Variants in PITPNC1 observed in about 807,000 individuals in gnomAD.
The protein encoded by PITPNC1 is phosphatidylinositol transfer protein cytoplasmic 1.
A neutral mutation model predicts 44.7 loss-of-function variants in PITPNC1; 18 were observed. That is an observed-to-expected ratio of 0.40 (90% CI 0.28 to 0.60). PITPNC1 has a LOEUF of 0.60. Ranked by LOEUF, PITPNC1 falls within the 20% of genes least tolerant of loss-of-function variation. The pLI is 0.39. For synonymous variants in PITPNC1, 141 were observed against 149.6 expected (o/e 0.94, Z 0.42); for missense variants, 290 against 418.4 (o/e 0.69, Z 2.68).
rs749530702 is a variant in PITPNC1, at chr17:67,645,153, C to T, written c.462+12915C>T. Among the ~76,000 whole-genome samples the T allele has an allele frequency of 5.3e-4, 81 of 152,136 alleles. 1 individual carries two copies. Among genetic ancestry groups the T allele is most frequent in the Non-Finnish European group, 9.7e-4 (66 of 67,996 alleles). ...GTCGGGAGTTTGAGACCAGCCTGAC[C>T]AACACGGAGAAACCGCATCTCTACT... On this transcript the variant is annotated intron_variant, in intron 6 of 8. Transcript: ENST00000581322.
At chr17:67,443,529 A>G (rs2039047104) in intron 1 of PITPNC1, among the ~76,000 whole-genome samples, 1 of 152,006 alleles carries the variant, frequency 6.6e-6, no homozygotes. Context: ...TGTCTAATGA[A>G]TAAATGAATA....
intron 1 of PITPNC1, among the ~76,000 whole-genome samples, chr17:67,381,731 C>T (rs998772501): frequency 3.9e-5 from 6 of 152,270 alleles, no homozygotes; most frequent in South Asian, 2.1e-4. Flanking sequence ...CTCCCAAAGG[C>T]GTGAGCCACC....
chr17:67,616,436 C>G (rs1164000901), intron 5 of PITPNC1, among the ~76,000 whole-genome samples: 1 of 152,160 alleles, frequency 6.6e-6, no homozygotes, highest in Non-Finnish European at 1.5e-5. Context: ...CCACCGTGCC[C>G]AGCCTCTGTC....
intron 1 of PITPNC1, among the ~76,000 whole-genome samples, chr17:67,501,993 C>A (rs770543422): frequency 6.6e-6 from 1 of 152,248 alleles, no homozygotes. Context: ...ATTAAATTAA[C>A]GAGGATTAAA....
intron 8 of PITPNC1, chr17:67,687,107 C>T: frequency 6.2e-7 from 1 of 1,611,850 alleles, no homozygotes; most frequent in Non-Finnish European, 8.5e-7. Flanking sequence ...GAAAAACATG[C>T]ATGAACAAAC....
At position 67,694,862 on chromosome 17, in the gene PITPNC1, C is replaced by T. The variant is rs1476931262; in HGVS notation, c.*1974C>T. 6.6e-6 allele frequency: 1 copy of T among 152,142 alleles called. No individual in the cohort carries two copies. Among genetic ancestry groups the T allele is most frequent in the Non-Finnish European group, 1.5e-5 (1 of 68,014 alleles). 9.4% of individuals were successfully genotyped at this position (152,142 alleles called of 1,614,324 possible). On this transcript the variant is annotated 3_prime_UTR_variant, in exon 9 of 9. Coordinates refer to ENST00000581322, the MANE Select transcript of PITPNC1 (RefSeq NM_012417.4). ...TTTTGCTTTAGAGAGCAAAATGCTA[C>T]TTTCAGAAGACACTGAAATAGTATA...
intron 6 of PITPNC1, among the ~76,000 whole-genome samples, chr17:67,666,092 C>T (rs8077213): frequency 0.048 from 7,365 of 152,204 alleles, 578 homozygotes; most frequent in African/African-American, 0.17. Context: ...ATCCACCCAC[C>T]TTGTCCTCCC....
At chr17:67,568,145 G>A (rs535009330) in intron 4 of PITPNC1, among the ~76,000 whole-genome samples, 6 of 152,242 alleles carry the variant, frequency 3.9e-5, no homozygotes, top group African/African-American at 9.6e-5. Context: ...TAGTATGTCC[G>A]TACAATGGAC....
chr17:67,425,203 G>GCACACGCACACACACACACA, intron 1 of PITPNC1, among the ~76,000 whole-genome samples: 1 of 98,822 alleles, frequency 1.0e-5, no homozygotes, highest in East Asian at 3.6e-4. Flanking sequence ...GCACGCACAC[G>GCACACGCACACACACACACA]CACACACACA....
chr17:67,495,040 G>GTTTGTTT lies in PITPNC1; in HGVS notation c.49-37759_49-37758insGTTTTTT, dbSNP rs2039926874. 1.1e-4 allele frequency among the ~76,000 whole-genome samples: 7 copies of GTTTGTTT among 64,720 alleles called. No homozygotes were observed. The East Asian group carries it at 1.4e-3, about 13-fold the overall frequency. 42.5% of individuals were successfully genotyped at this position (64,720 alleles called of 152,430 possible). A position where few individuals can be genotyped will look rare whatever the true frequency, so the allele number is the denominator to read the frequency against. On this transcript the variant is annotated intron_variant, in intron 1 of 8. Coordinates refer to ENST00000581322, the MANE Select transcript of PITPNC1 (RefSeq NM_012417.4). ...TTTGGCAATATTGAGCCATGGAGTT[G>GTTTGTTT]TTTTTTTTTTTGTTTTTTTTTTTTT...
Position 67,676,931 on chromosome 17 carries a change from C to T in PITPNC1, c.682+1389C>T, listed in dbSNP as rs1170824824. On this transcript the variant is annotated intron_variant, in intron 8 of 8. Transcript: ENST00000581322. This position sits in a 1 kb window ranked among gnomAD's most constrained non-coding sequence, Gnocchi z 4.0. ...TCCAAATGCAGATCATTTATGCTCT[C>T]TTATCACACACCCACAGAATGCCGC... Among the ~76,000 whole-genome samples the T allele has an allele frequency of 1.3e-5, 2 of 151,948 alleles. No homozygotes were observed. The highest frequency in any genetic ancestry group is 4.8e-5 in the African/African-American group (2 of 41,338).
At chr17:67,580,519 T>C (rs1442665110) in intron 5 of PITPNC1, among the ~76,000 whole-genome samples, 5 of 152,082 alleles carry the variant, frequency 3.3e-5, no homozygotes, top group Non-Finnish European at 7.4e-5. Context: ...TTTTGTGTTT[T>C]TTTTAGAGAC....
At chr17:67,565,129 C>T (rs973920864) in intron 4 of PITPNC1, among the ~76,000 whole-genome samples, 2 of 149,602 alleles carry the variant, frequency 1.3e-5, no homozygotes, top group Admixed American at 1.3e-4. Flanking sequence ...CTAGTTTTTC[C>T]ATATTTTTCA....
intron 1 of PITPNC1, among the ~76,000 whole-genome samples, chr17:67,405,376 C>T (rs1422934333): frequency 2.0e-5 from 3 of 150,948 alleles, no homozygotes; most frequent in Non-Finnish European, 4.4e-5. Flanking sequence ...GTGATTGTGC[C>T]ACTGTACTCC....
intron 7 of PITPNC1, among the ~76,000 whole-genome samples, chr17:67,669,934 C>G (rs2042484302): frequency 6.6e-6 from 1 of 151,668 alleles, no homozygotes; most frequent in African/African-American, 2.4e-5. Flanking sequence ...ATTAGCTGGG[C>G]ATGGTGGTGG....
chr17:67,483,920 T>TTC (rs200560067), intron 1 of PITPNC1, among the ~76,000 whole-genome samples: 47,841 of 134,910 alleles, frequency 0.35, 8,088 homozygotes, highest in Non-Finnish European at 0.41. Context: ...TTTTCTTTCT[T>TTC]TTTTTTTTTT....
intron 4 of PITPNC1, among the ~76,000 whole-genome samples, chr17:67,576,490 G>A (rs2041151856): frequency 6.6e-6 from 1 of 152,168 alleles, no homozygotes. Flanking sequence ...AGCCTCTTGG[G>A]ACTGTGATGC....
chr17:67,557,075 G>T (rs2040847473), intron 4 of PITPNC1, among the ~76,000 whole-genome samples: 1 of 152,140 alleles, frequency 6.6e-6, no homozygotes, highest in South Asian at 2.1e-4. Flanking sequence ...CACAGACTTG[G>T]GGGCTTGAGC....
At chr17:67,594,836 T>C (rs1039308487) in intron 5 of PITPNC1, among the ~76,000 whole-genome samples, 12 of 152,220 alleles carry the variant, frequency 7.9e-5, no homozygotes, top group African/African-American at 2.9e-4. Context: ...CCCTGTCAAA[T>C]GAGTATCATG....
Sources: gnomAD v4.1 joint callset for allele counts (sites outside exome capture counted in the v4.1 genomes callset) on GRCh38, gnomAD v4.1.1 for gene constraint, Gnocchi (gnomAD v3.1) non-coding constraint, MANE v1.5 for transcripts, NCBI Gene and HGNC (gene_info 2026-07-23, HGNC 2026-07-21) for gene names.